Variants in NLRP2 observed in about 807,000 individuals in gnomAD.
The protein encoded by NLRP2 is NACHT, LRR and PYD domains-containing protein 2.
NLRP2 carries 107 observed loss-of-function variants against 97.2 expected under a neutral mutation model. The observed-to-expected ratio is 1.10, with a 90% CI of 0.94 to 1.29. The LOEUF (loss-of-function observed/expected upper bound fraction) is 1.29. Ranked by LOEUF, NLRP2 falls within the 50% of genes most tolerant of loss-of-function variation. NLRP2 has a pLI of 0.00. For synonymous variants in NLRP2, 663 were observed against 551.5 expected, an observed-to-expected ratio of 1.20 and a Z score of -2.83; for missense variants, 1,495 against 1,330.3, an observed-to-expected ratio of 1.12 and a Z score of -1.93.
chr19:54,983,966 T>C (rs1300459653), intron 6 of NLRP2, among the ~76,000 whole-genome samples: 2 of 152,272 alleles, frequency 1.3e-5, no homozygotes, highest in East Asian at 3.9e-4. Context: ...TTCTTCTGCC[T>C]CAGCCTCCTG....
intron 1 of NLRP2, among the ~76,000 whole-genome samples, chr19:54,968,162 C>T (rs970234877): frequency 6.6e-6 from 1 of 151,794 alleles, no homozygotes; most frequent in African/African-American, 2.4e-5. Context: ...AGGTGATCCT[C>T]CCACCTTGGA....
Position 54,974,541 on chromosome 19 carries a change from T to C in NLRP2, c.322T>C (p.Leu108=). 8 of 1,591,376 alleles carry C rather than the reference T, an allele frequency of 5.0e-6. No homozygotes were observed. Among genetic ancestry groups the C allele is most frequent in the Non-Finnish European group, 6.9e-6 (8 of 1,159,296 alleles). The part of the protein sequence containing the change: ...KSFNKRKPLS[L]GITRKERPPL... ...CTTTAATAAAAGGAAGCCTCTATCA[T>C]TAGGTAAGTTACCTCATTTATAACT... Residue 108 remains leucine (L), a synonymous_variant, in exon 3 of 13, where the codon TTA becomes CTA. Coordinates refer to ENST00000448584, the MANE Select transcript of NLRP2 (RefSeq NM_017852.5).
chr19:54,984,789 CTCTA>C (rs1420836703), intron 6 of NLRP2, among the ~76,000 whole-genome samples: 2 of 151,898 alleles, frequency 1.3e-5, no homozygotes, highest in East Asian at 1.9e-4. Flanking sequence ...GGTCTATATT[CTCTA>C]TCTTTTATCA....
At chr19:54,998,380 A>G (rs1052455686) in intron 12 of NLRP2, among the ~76,000 whole-genome samples, 2 of 151,938 alleles carry the variant, frequency 1.3e-5, no homozygotes, top group African/African-American at 4.8e-5. Flanking sequence ...GAATGTGGGA[A>G]CTTCAGAAAT....
chr19:54,990,298 C>T (rs763738638), intron 9 of NLRP2, 106 bp downstream of exon 9: 19 of 1,244,034 alleles, frequency 1.5e-5, no homozygotes, highest in Non-Finnish European at 2.0e-5. Flanking sequence ...CTGATGTGAA[C>T]ACCTGTTCCC....
chr19:54,994,182 T>A (rs1233925289), intron 10 of NLRP2, 87 bp from the exon 11 acceptor site: 2 of 1,399,488 alleles, frequency 1.4e-6, no homozygotes, highest in Non-Finnish European at 2.0e-6. Flanking sequence ...TAAGTGTGTC[T>A]AACCCACGGC....
intron 3 of NLRP2, among the ~76,000 whole-genome samples, chr19:54,975,363 C>T (rs1006412074): frequency 6.9e-6 from 1 of 144,800 alleles, no homozygotes; most frequent in Admixed American, 6.9e-5. Context: ...CTCAATCAGT[C>T]CTCCTGCCTC....
At chr19:54,969,937 G>T in intron 1 of NLRP2, 62 bp from the exon 2 acceptor site, 1 of 1,523,858 alleles carries the variant, frequency 6.6e-7, no homozygotes. Flanking sequence ...GCAGGAACTG[G>T]CATTTGAGAC....
chr19:54,991,410 AC>A (rs2072466830), intron 10 of NLRP2: 1 of 152,230 alleles, frequency 6.6e-6, no homozygotes, highest in South Asian at 2.1e-4. Context: ...AAAATTAGTC[AC>A]GCATGGTGGG....
chr19:54,992,716 G>T (rs1294767267), intron 10 of NLRP2, among the ~76,000 whole-genome samples: 1 of 151,544 alleles, frequency 6.6e-6, no homozygotes. Flanking sequence ...ATGCCACCAC[G>T]CCCAGCTAAC....
chr19:54,981,847 C>T (rs1041538213), intron 5 of NLRP2, among the ~76,000 whole-genome samples, 165 bp downstream of exon 5: 1 of 151,934 alleles, frequency 6.6e-6, no homozygotes, highest in Non-Finnish European at 1.5e-5. Flanking sequence ...GGCGTGATCT[C>T]GACTCACTGC....
chr19:54,989,942 G>C, intron 8 of NLRP2, 80 bp from the exon 9 acceptor site: 1 of 1,523,800 alleles, frequency 6.6e-7, no homozygotes, highest in Non-Finnish European at 9.0e-7. Flanking sequence ...TGTGAGCCGA[G>C]ATTGCGCCAC....
At chr19:54,977,695 C>T in intron 3 of NLRP2, 57 bp from the exon 4 acceptor site, 1 of 1,557,390 alleles carries the variant, frequency 6.4e-7, no homozygotes, top group Non-Finnish European at 8.9e-7. Flanking sequence ...CTTGAGCCAT[C>T]TTGGAGTCCC....
In NLRP2 at chr19:54,983,643, A is replaced by T. The variant is rs1377571564; in HGVS notation, c.1945A>T (p.Asn649Tyr). ...PSSFCVKHCR[N>Y]LQKMSLQVIK... Reference sequence around the variant, plus strand: ...TTCATTCTGCGTCAAGCACTGTCGAAACCTGCAGAAAATGTCACTGCAGGT... The same window carrying T: ...TTCATTCTGCGTCAAGCACTGTCGATACCTGCAGAAAATGTCACTGCAGGT... The change falls in exon 6 of 13, where the codon AAC (asparagine) becomes TAC (tyrosine). Residue 649 changes from asparagine (N) to tyrosine (Y), a missense_variant. Asn to Tyr is a moderately radical substitution (Grantham distance 143). Coordinates refer to ENST00000448584, the MANE Select transcript of NLRP2 (RefSeq NM_017852.5). The T allele has an allele frequency of 6.2e-7, 1 of 1,614,008 alleles. No individual in the cohort carries two copies. The highest frequency in any genetic ancestry group is 8.5e-7 in the Non-Finnish European group (1 of 1,180,036).
chr19:54,987,984 C>T (rs1568516872), intron 8 of NLRP2, among the ~76,000 whole-genome samples: 3 of 152,112 alleles, frequency 2.0e-5, no homozygotes, highest in South Asian at 2.1e-4. Context: ...GCAGAGGTAG[C>T]AGTGAGCCAA....
intron 4 of NLRP2, 62 bp downstream of exon 4, chr19:54,977,885 C>A: frequency 6.9e-7 from 1 of 1,446,624 alleles, no homozygotes; most frequent in Non-Finnish European, 9.7e-7. Flanking sequence ...TTGCTGCTAT[C>A]TCCTGTTCCT....
At chr19:54,974,644 A>C (rs2071081948) in intron 3 of NLRP2, 100 bp downstream of exon 3, 1 of 903,866 alleles carries the variant, frequency 1.1e-6, no homozygotes, top group African/African-American at 1.7e-5. Flanking sequence ...ATGCAAAGAA[A>C]TGCCGGACTT....
chr19:55,000,624 C>T (rs999794155), intron 12 of NLRP2, 136 bp from the exon 13 acceptor site: 2 of 821,302 alleles, frequency 2.4e-6, no homozygotes, highest in Non-Finnish European at 2.0e-6. Context: ...ATGTGGAACA[C>T]TCCTTTGCCA....
intron 12 of NLRP2, among the ~76,000 whole-genome samples, chr19:54,997,964 G>C (rs2072930416): frequency 6.6e-6 from 1 of 151,576 alleles, no homozygotes; most frequent in Admixed American, 6.6e-5. Flanking sequence ...ATTTGTCACT[G>C]GGCTGTGTTT....
Sources: allele counts gnomAD v4.1 joint callset (sites outside exome capture counted in the v4.1 genomes callset), GRCh38; gene constraint gnomAD v4.1.1; transcripts MANE v1.5; gene names NCBI Gene and HGNC (gene_info 2026-07-23, HGNC 2026-07-21).